SND1: variants seen among roughly 807,000 people sequenced by gnomAD.
The protein encoded by SND1 is staphylococcal nuclease domain-containing protein 1.
SND1 carries 38 observed loss-of-function variants against 121.7 expected under a neutral mutation model. The ratio of observed to expected loss-of-function variants is 0.31; its 90% CI spans 0.24 to 0.41. The LOEUF is 0.41. SND1 is among the 10% of genes least tolerant of loss of function. The pLI, the probability that SND1 is intolerant of heterozygous loss-of-function variation, is 1.00. For missense variants in SND1, 868 were observed against 1,184.6 expected, an observed-to-expected ratio of 0.73 and a Z score of 3.92; for synonymous variants, 401 against 447.4, an observed-to-expected ratio of 0.90 and a Z score of 1.31.
At chr7:128,045,912 GTT>G (rs1245588578) in intron 16 of SND1, among the ~76,000 whole-genome samples, 2 of 152,098 alleles carry the variant, frequency 1.3e-5, no homozygotes, top group East Asian at 3.9e-4. Context: ...CTTTTTAAAA[GTT>G]TAAAAAGAAA....
intron 14 of SND1, among the ~76,000 whole-genome samples, chr7:127,918,783 A>G (rs1800640399): frequency 6.6e-6 from 1 of 152,214 alleles, no homozygotes; most frequent in African/African-American, 2.4e-5. Flanking sequence ...ATCACAGTCT[A>G]TAATTATTTT....
chr7:128,059,011 C>CT (rs924925257), intron 16 of SND1, among the ~76,000 whole-genome samples: 11 of 152,174 alleles, frequency 7.2e-5, no homozygotes, highest in African/African-American at 2.4e-4. Flanking sequence ...CCGTGTTTCT[C>CT]TAATGTCTAC....
At chr7:128,010,689 G>A (rs773776406) in intron 16 of SND1, among the ~76,000 whole-genome samples, 27 of 152,270 alleles carry the variant, frequency 1.8e-4, no homozygotes, top group Non-Finnish European at 3.4e-4. Flanking sequence ...CATCCTCAGA[G>A]ATGCCGTAAG....
rs578254727 is a variant in SND1 at position 128,013,875 on chromosome 7, G to C, written c.1779+22819G>C. ...TTGTAGAGCAGCCTGTGACTGATGA[G>C]GGACAGCCTGTAGCTGGTAATGGCT... On this transcript the variant is annotated intron_variant, in intron 16 of 23. Transcript: ENST00000354725. Among the ~76,000 whole-genome samples, 13 of 152,356 alleles carry C rather than the reference G, an allele frequency of 8.5e-5. No individual in the cohort carries two copies. In the East Asian group the frequency reaches 2.1e-3, roughly 25 times the overall value.
At chr7:128,023,341 T>G (rs976519524) in intron 16 of SND1, among the ~76,000 whole-genome samples, 9 of 152,128 alleles carry the variant, frequency 5.9e-5, no homozygotes, top group African/African-American at 2.2e-4. Flanking sequence ...TCAGGGAGGA[T>G]TTCATCACTG....
intron 16 of SND1, among the ~76,000 whole-genome samples, chr7:128,035,507 T>G (rs770182754): frequency 1.2e-4 from 18 of 152,244 alleles, no homozygotes; most frequent in Non-Finnish European, 2.9e-5. Flanking sequence ...AACCTCTCAC[T>G]TTACAGATGT....
chr7:127,859,916 A>G (rs1183094337), intron 12 of SND1, among the ~76,000 whole-genome samples: 4 of 152,152 alleles, frequency 2.6e-5, no homozygotes, highest in African/African-American at 9.7e-5. Flanking sequence ...CAGCATAGAT[A>G]CAGGTAATAG....
chr7:127,731,233 G>A (rs997353123), intron 10 of SND1, among the ~76,000 whole-genome samples: 1 of 152,246 alleles, frequency 6.6e-6, no homozygotes, highest in Middle Eastern at 3.2e-3. Flanking sequence ...TGCTGTGAGC[G>A]AGTGCACTGT....
chr7:127,917,195 C>G (rs1000191401), intron 14 of SND1, among the ~76,000 whole-genome samples: 36 of 152,304 alleles, frequency 2.4e-4, no homozygotes, highest in African/African-American at 7.9e-4. Context: ...GTGGTTACAT[C>G]ATAACAAAGT....
At chr7:127,797,549 CG>C (rs1798049944) in intron 10 of SND1, among the ~76,000 whole-genome samples, 1 of 152,098 alleles carries the variant, frequency 6.6e-6, no homozygotes, top group East Asian at 1.9e-4. Flanking sequence ...CAGAGCACTT[CG>C]GGGGTGGGAA....
intron 16 of SND1, among the ~76,000 whole-genome samples, chr7:128,055,555 T>A (rs1793128498): frequency 1.3e-5 from 2 of 152,270 alleles, no homozygotes; most frequent in South Asian, 4.1e-4. Flanking sequence ...GTTTTGGGGC[T>A]GGGCTCATGC....
chr7:127,707,442 T>C, intron 8 of SND1, 115 bp from the exon 9 acceptor site: 1 of 697,206 alleles, frequency 1.4e-6, no homozygotes. Flanking sequence ...TGGTAGTCTT[T>C]CTTCTGGATA....
intron 15 of SND1, among the ~76,000 whole-genome samples, chr7:127,935,792 T>C (rs762045136): frequency 2.0e-5 from 3 of 152,228 alleles, no homozygotes; most frequent in Non-Finnish European, 1.5e-5. Context: ...TGGAAATGTC[T>C]CTTTGCAGTA....
At chr7:128,053,627 T>G (rs2117024119) in intron 16 of SND1, among the ~76,000 whole-genome samples, 1 of 152,106 alleles carries the variant, frequency 6.6e-6, no homozygotes, top group East Asian at 1.9e-4. Flanking sequence ...ACATAGCAGC[T>G]GAGAGAGAGT....
At chr7:128,086,504 G>T in intron 20 of SND1, 1 of 271,820 alleles carries the variant, frequency 3.7e-6, no homozygotes, top group Non-Finnish European at 7.2e-6. Context: ...CAGATGCCTG[G>T]GCCAGAACCA....
At position 128,092,383 on chromosome 7, in the gene SND1, A is replaced by T; in HGVS notation, c.*325A>T. 1 of 343,622 alleles carries T rather than the reference A, an allele frequency of 2.9e-6. No individual in the cohort carries two copies. Among genetic ancestry groups the T allele is most frequent in the Non-Finnish European group, 5.3e-6 (1 of 187,520 alleles). The allele number at this position is 343,622 out of a possible 1,614,324, so 21.3% of individuals were successfully genotyped here. A position where few individuals can be genotyped will look rare whatever the true frequency, so the allele number is the denominator to read the frequency against. ...AACATCAAAGACTATGTCCTAGTGG[A>T]GGGAGTAATCCTAACACCCAGGCTG... On this transcript the variant is annotated 3_prime_UTR_variant, in exon 24 of 24. Transcript: ENST00000354725. The surrounding 1 kb of genome is among the most constrained non-coding windows in gnomAD (Gnocchi z 4.9).
At chr7:127,656,621 G>A (rs1795214433) in intron 1 of SND1, among the ~76,000 whole-genome samples, 1 of 152,208 alleles carries the variant, frequency 6.6e-6, no homozygotes, top group Non-Finnish European at 1.5e-5. Flanking sequence ...GAACTAAGAA[G>A]TGTGTGTCTT....
Position 127,826,488 on chromosome 7 carries a change from A to G in SND1, c.1243-17836A>G, listed in dbSNP as rs150088376. 9.1e-4 allele frequency among the ~76,000 whole-genome samples: 139 copies of G among 152,286 alleles called. 1 individual carries two copies. Among genetic ancestry groups the G allele is most frequent in the Middle Eastern group, 3.4e-3 (1 of 294 alleles). ...GAAGAGTTAAAGACAAAAATCTTCT[A>G]TGTCTATTTATTGACAGTGTTGAGC... On this transcript the variant is annotated intron_variant, in intron 11 of 23. Coordinates refer to ENST00000354725, the MANE Select transcript of SND1 (RefSeq NM_014390.4).
intron 15 of SND1, among the ~76,000 whole-genome samples, chr7:127,949,416 A>T (rs910211482): frequency 6.6e-6 from 1 of 152,218 alleles, no homozygotes. Context: ...TTTATCTCTT[A>T]ATGTTTGGAA....
Sources: gnomAD v4.1 joint callset for allele counts (sites outside exome capture counted in the v4.1 genomes callset) on GRCh38, gnomAD v4.1.1 for gene constraint, Gnocchi (gnomAD v3.1) non-coding constraint, MANE v1.5 for transcripts, NCBI Gene and HGNC (gene_info 2026-07-23, HGNC 2026-07-21) for gene names.